TNRC18: variants seen among roughly 807,000 people sequenced by gnomAD.
TNRC18 encodes the protein trinucleotide repeat-containing gene 18 protein.
In TNRC18, 69 loss-of-function variants were observed where a neutral mutation model predicts 226.7. The observed-to-expected ratio is 0.30, with a 90% confidence interval of 0.25 to 0.37. The LOEUF is 0.37. Among genes scored for constraint, TNRC18 ranks in the 10% least tolerant of loss-of-function variants. The probability of loss-of-function intolerance (pLI) is 1.00; values close to 1 mark genes in which losing one functional copy is unlikely to be tolerated. For synonymous variants in TNRC18, 2,449 were observed against 1,927.6 expected (o/e 1.27, Z -7.09); for missense variants, 4,754 against 4,256.6 (o/e 1.12, Z -3.25).
At chr7:5,329,661 C>T (rs1435925500) in intron 19 of TNRC18, among the ~76,000 whole-genome samples, 16 of 111,272 alleles carry the variant, frequency 1.4e-4, no homozygotes, top group African/African-American at 4.5e-4. Flanking sequence ...TCAGCCTGGG[C>T]GACACAGTGA....
At chr7:5,314,028 G>T (rs1432339700) in intron 26 of TNRC18, among the ~76,000 whole-genome samples, 165 bp from the exon 27 acceptor site, 1 of 152,030 alleles carries the variant, frequency 6.6e-6, no homozygotes, top group African/African-American at 2.4e-5. Flanking sequence ...CGTCATCAGG[G>T]CTCATTGCAG....
In TNRC18 at chr7:5,313,718, C is replaced by G. The variant is rs761599471; in HGVS notation, c.7173G>C (p.Pro2391=). 1.3e-6 allele frequency: 2 copies of G among 1,584,220 alleles called. No individual in the cohort carries two copies. The highest frequency in any genetic ancestry group is 2.3e-5 in the South Asian group (2 of 86,684). ...GTGCGGGACTGGGCTGCGGCGGTGC[C>G]GGGCGCGCCTTGGGGGCCTTGGCTC... is the stretch of plus-strand genomic sequence containing the variant. ...DKRAKAPKAR[P]APPQPSPAPP... Residue 2391 remains proline (P), a synonymous_variant, in exon 27 of 30, where the codon CCG becomes CCC. Coordinates refer to ENST00000430969, the MANE Select transcript of TNRC18 (RefSeq NM_001080495.3).
intron 17 of TNRC18, among the ~76,000 whole-genome samples, chr7:5,349,050 T>C (rs1375877867): frequency 6.6e-6 from 1 of 152,186 alleles, no homozygotes; most frequent in Non-Finnish European, 1.5e-5. Flanking sequence ...TCCAGAAATC[T>C]TTCCCATCCA....
Position 5,312,399 on chromosome 7 carries a change from C to G in TNRC18, c.8388+104G>C, listed in dbSNP as rs1787320459. ...GACGCCAGCCCTCCACCCTGGGGTT[C>G]TGGGAGGTTACCACACACGGAGACA... On this transcript the variant is annotated intron_variant, in intron 27 of 29. Transcript: ENST00000430969. The surrounding 1 kb of genome is among the most constrained non-coding windows in gnomAD (Gnocchi z 6.3). 2 of 1,464,750 alleles carry G rather than the reference C, an allele frequency of 1.4e-6. No individual in the cohort carries two copies. Among genetic ancestry groups the G allele is most frequent in the Non-Finnish European group, 1.8e-6 (2 of 1,111,340 alleles). The allele number at this position is 1,464,750 out of a possible 1,614,324, so 90.7% of individuals were successfully genotyped here.
rs1786588948 is a variant in TNRC18, at chr7:5,307,041, C to G, written c.*1065G>C. On this transcript the variant is annotated 3_prime_UTR_variant, in exon 30 of 30. Coordinates refer to ENST00000430969, the MANE Select transcript of TNRC18 (RefSeq NM_001080495.3). The stretch of plus-strand genomic sequence containing the variant: ...ACCCTGGGCTTGGGCCGGCTCCTGC[C>G]TCTCCCTCTTCTCTCCCTAACAAAC... The G allele has an allele frequency of 6.7e-6, 1 of 148,946 alleles. No individual in the cohort carries two copies. Among genetic ancestry groups the G allele is most frequent in the Non-Finnish European group, 1.5e-5 (1 of 67,506 alleles). 9.2% of individuals were successfully genotyped at this position (148,946 alleles called of 1,614,324 possible).
intron 24 of TNRC18, 49 bp from the exon 25 acceptor site, chr7:5,316,121 C>G: frequency 6.8e-7 from 1 of 1,461,910 alleles, no homozygotes; most frequent in Non-Finnish European, 9.5e-7. Context: ...CTCCAGCTCC[C>G]TAGTGACGCA....
intron 18 of TNRC18, among the ~76,000 whole-genome samples, chr7:5,336,036 ATC>A (rs1168227570): frequency 1.3e-5 from 2 of 151,638 alleles, no homozygotes; most frequent in East Asian, 3.9e-4. Context: ...GCAAAACCCC[ATC>A]TCTACAAAAA....
In TNRC18 at chr7:5,345,761, G is replaced by GTCC. The variant is rs1562522604; in HGVS notation, c.5517_5519dup (p.Glu1839dup). ...GCCTGTAGCCACCACCGCTGGCCTC[G>GTCC]TCCTCCTCCTCGAGCTCCTCCTCCT... is the stretch of plus-strand genomic sequence containing the variant. On this transcript the variant is annotated inframe_insertion, in exon 18 of 30. Transcript: ENST00000430969. 6.5e-7 allele frequency: 1 copy of GTCC among 1,547,382 alleles called. No individual in the cohort carries two copies. The highest frequency in any genetic ancestry group is 8.7e-7 in the Non-Finnish European group (1 of 1,146,800).
At chr7:5,354,347 C>T (rs377689907) in intron 16 of TNRC18, among the ~76,000 whole-genome samples, 1 of 152,110 alleles carries the variant, frequency 6.6e-6, no homozygotes, top group East Asian at 1.9e-4. Context: ...CCACCCCATC[C>T]ACGTCCACCT....
Position 5,308,440 on chromosome 7 carries a change from G to A in TNRC18, c.8701-128C>T, listed in dbSNP as rs1786811719. 4.9e-6 allele frequency: 4 copies of A among 821,974 alleles called. No homozygotes were observed. The East Asian group carries it at 1.1e-4, about 22-fold the overall frequency. The allele number at this position is 821,974 out of a possible 1,614,324, so 50.9% of individuals were successfully genotyped here. A position where few individuals can be genotyped will look rare whatever the true frequency, so the allele number is the denominator to read the frequency against. On this transcript the variant is annotated intron_variant, in intron 29 of 29. Transcript: ENST00000430969. The stretch of plus-strand genomic sequence containing the variant: ...GGACTGAGACAGAGACCAAGTCAGA[G>A]ACAGAGGCTGAGTAAGAGACAGACC...
At position 5,388,474 on chromosome 7, in the gene TNRC18, T is replaced by A. The variant is rs1165539345; in HGVS notation, c.1350A>T (p.Thr450=). 8 of 1,418,112 alleles carry A rather than the reference T, an allele frequency of 5.6e-6. No individual in the cohort carries two copies. The African/African-American group carries it at 7.7e-5, about 14-fold the overall frequency. 87.8% of individuals were successfully genotyped at this position (1,418,112 alleles called of 1,614,324 possible). The part of the protein sequence containing the change: ...PPADAPTVRA[T]RASPDPRAYV... ...AGGCGCGGGGGTCCGGGGAGGCGCG[T>A]GTGGCCCGCACCGTGGGGGCATCCG... is the stretch of plus-strand genomic sequence containing the variant. The change falls in exon 5 of 30, where the codon ACA becomes ACT. Residue 450 remains threonine, a synonymous_variant. Transcript: ENST00000430969.
At chr7:5,417,910 C>G (rs547235888) in intron 2 of TNRC18, among the ~76,000 whole-genome samples, 6 of 152,186 alleles carry the variant, frequency 3.9e-5, no homozygotes, top group Non-Finnish European at 5.9e-5. Flanking sequence ...TGGATCTGAT[C>G]AGACCCTGGA....
At chr7:5,345,515 C>CCGGGGGGCGGG in intron 18 of TNRC18, 47 bp downstream of exon 18, 1 of 347,090 alleles carries the variant, frequency 2.9e-6, no homozygotes, top group African/African-American at 2.2e-5. Flanking sequence ...GCAATGGCGT[C>CCGGGGGGCGGG]CGCCCCTCCC....
intron 24 of TNRC18, 67 bp downstream of exon 24, chr7:5,320,251 T>C: frequency 7.6e-7 from 1 of 1,315,638 alleles, no homozygotes; most frequent in Middle Eastern, 2.5e-4. Context: ...AGTTGGGTTT[T>C]AGTAGCCAAA....
chr7:5,351,364 GCCCA>G (rs2128145983), intron 17 of TNRC18, among the ~76,000 whole-genome samples: 1 of 152,168 alleles, frequency 6.6e-6, no homozygotes, highest in South Asian at 2.1e-4. Flanking sequence ...CAAGTCACAC[GCCCA>G]CACGACAGAA....
intron 11 of TNRC18, among the ~76,000 whole-genome samples, chr7:5,368,870 T>G (rs1323505279): frequency 6.6e-6 from 1 of 152,136 alleles, no homozygotes; most frequent in Non-Finnish European, 1.5e-5. Flanking sequence ...CAGTTTTCCA[T>G]GCTGAACATC....
chr7:5,326,545 A>C (rs987401528), intron 19 of TNRC18, among the ~76,000 whole-genome samples: 1 of 152,166 alleles, frequency 6.6e-6, no homozygotes, highest in Non-Finnish European at 1.5e-5. Context: ...TCCTGGGCTC[A>C]AGCAATCCTC....
intron 11 of TNRC18, among the ~76,000 whole-genome samples, chr7:5,364,908 ACCT>A (rs963814847): frequency 3.3e-5 from 5 of 151,768 alleles, no homozygotes; most frequent in African/African-American, 1.2e-4. Flanking sequence ...GCAAACATCT[ACCT>A]CCTCATTATG....
chr7:5,374,199 A>AG lies in TNRC18; in HGVS notation c.3084dup (p.Ser1029LeufsTer85). 1 of 900,318 alleles carries AG rather than the reference A, an allele frequency of 1.1e-6. No homozygotes were observed. The highest frequency in any genetic ancestry group is 4.8e-5 in the South Asian group (1 of 20,762). The allele number at this position is 900,318 out of a possible 1,614,324, so 55.8% of individuals were successfully genotyped here. A position where few individuals can be genotyped will look rare whatever the true frequency, so the allele number is the denominator to read the frequency against. On this transcript the variant is annotated frameshift_variant, in exon 10 of 30. Transcript: ENST00000430969. LOFTEE classifies it high-confidence loss of function. ...GCGGGCGGCGGGCTGGTGGGGTGGG[A>AG]GCTGGGGGTGGCGGGGTAGGCGTAG...
Sources: allele counts gnomAD v4.1 joint callset (sites outside exome capture counted in the v4.1 genomes callset), GRCh38; gene constraint gnomAD v4.1.1; non-coding constraint Gnocchi (gnomAD v3.1); transcripts MANE v1.5; gene names NCBI Gene and HGNC (gene_info 2026-07-23, HGNC 2026-07-21).